The following PCDH9 variants were observed in gnomAD, a reference collection of about 807,000 sequenced individuals.
PCDH9 encodes the protein protocadherin 9, also known as protocadherin-9.
A neutral mutation model predicts 70.6 loss-of-function variants in PCDH9; 24 were observed. The observed-to-expected ratio is 0.34, with a 90% confidence interval of 0.25 to 0.48. The LOEUF (loss-of-function observed/expected upper bound fraction) is 0.48. PCDH9 is among the 20% of genes least tolerant of loss of function. The pLI is 0.99. For synonymous variants in PCDH9, 562 were observed against 558.5 expected, an observed-to-expected ratio of 1.01 and a Z score of -0.09; for missense variants, 1,281 against 1,503.6, an observed-to-expected ratio of 0.85 and a Z score of 2.45.
Position 66,368,996 on chromosome 13 carries a change from T to G in PCDH9, c.3341-63968A>C, listed in dbSNP as rs75461829. On this transcript the variant is annotated intron_variant, in intron 4 of 4. Transcript: ENST00000377865. ...AACACATGGGAATTCAAGATGAGAG[T>G]TGTGTGGAGATGCAGCCAAGCCATA... Among the ~76,000 whole-genome samples the G allele has an allele frequency of 9.3e-3, 1,415 of 152,056 alleles. 28 individuals are homozygous for G. The highest frequency in any genetic ancestry group is 0.032 in the African/African-American group (1,348 of 41,484).
intron 3 of PCDH9, among the ~76,000 whole-genome samples, chr13:66,789,007 T>A (rs1432544412): frequency 6.6e-6 from 1 of 152,132 alleles, no homozygotes; most frequent in Non-Finnish European, 1.5e-5. Context: ...AAAATCTGTC[T>A]GCTCTTCTTT....
intron 2 of PCDH9, among the ~76,000 whole-genome samples, chr13:67,111,461 G>A (rs2086657299): frequency 6.6e-6 from 1 of 152,150 alleles, no homozygotes. Flanking sequence ...CTATATACTA[G>A]TCTATGCTAG....
chr13:67,025,246 C>A (rs2084757207), intron 2 of PCDH9, among the ~76,000 whole-genome samples: 1 of 151,828 alleles, frequency 6.6e-6, no homozygotes, highest in Admixed American at 6.6e-5. Context: ...TTCTTTTGAC[C>A]CTTCTGTGAA....
chr13:67,146,947 C>A (rs527948112), intron 2 of PCDH9, among the ~76,000 whole-genome samples: 3 of 151,980 alleles, frequency 2.0e-5, no homozygotes. Flanking sequence ...ACTGTGATTC[C>A]GGCTTCCTTT....
intron 4 of PCDH9, among the ~76,000 whole-genome samples, chr13:66,394,298 C>A (rs1370331685): frequency 1.3e-5 from 2 of 152,110 alleles, no homozygotes; most frequent in Non-Finnish European, 2.9e-5. Flanking sequence ...ATATCAGCAT[C>A]TAGATTTCCT....
At chr13:66,456,137 C>T (rs1181248672) in intron 4 of PCDH9, among the ~76,000 whole-genome samples, 1 of 152,086 alleles carries the variant, frequency 6.6e-6, no homozygotes, top group African/African-American at 2.4e-5. Flanking sequence ...TGCTTTTTAT[C>T]TGATGGTTAT....
chr13:66,946,224 A>G (rs1026821892), intron 2 of PCDH9, among the ~76,000 whole-genome samples: 2 of 152,178 alleles, frequency 1.3e-5, no homozygotes, highest in African/African-American at 4.8e-5. Flanking sequence ...AATCCTACAA[A>G]AGGGAATATG....
chr13:66,539,050 G>A (rs888864316), intron 4 of PCDH9, among the ~76,000 whole-genome samples: 1 of 151,854 alleles, frequency 6.6e-6, no homozygotes, highest in Non-Finnish European at 1.5e-5. Context: ...GCAGAAAATA[G>A]AAGCAAAAAT....
intron 2 of PCDH9, among the ~76,000 whole-genome samples, chr13:66,933,892 CA>C (rs10570715): frequency 0.018 from 1,824 of 101,240 alleles, 6 homozygotes; most frequent in Non-Finnish European, 0.022. Context: ...ATAAGCTAGG[CA>C]AAAAAAAAAA....
At chr13:66,597,289 G>A (rs571128834) in intron 4 of PCDH9, among the ~76,000 whole-genome samples, 1 of 151,592 alleles carries the variant, frequency 6.6e-6, no homozygotes, top group East Asian at 1.9e-4. Context: ...GTACCACAAA[G>A]GACCTTCAAA....
rs188327139 is a variant in PCDH9 at position 66,912,956 on chromosome 13, C to G, written c.3037-9351G>C. 2.4e-3 allele frequency among the ~76,000 whole-genome samples: 366 copies of G among 152,158 alleles called. 6 individuals are homozygous for G. The highest frequency in any genetic ancestry group is 8.3e-3 in the African/African-American group (343 of 41,544). On this transcript the variant is annotated intron_variant, in intron 2 of 4. Transcript: ENST00000377865. ...TGTATTATGAAAACTGTTTGCCCAA[C>G]ATAAACCTTCAACGTAATGTTAGCC...
Position 66,366,250 on chromosome 13 carries a change from T to G in PCDH9, c.3341-61222A>C, listed in dbSNP as rs142086689. 1.4e-3 allele frequency among the ~76,000 whole-genome samples: 206 copies of G among 152,192 alleles called. 1 individual carries two copies. The Middle Eastern group carries it at 0.031, about 23-fold the overall frequency. The stretch of plus-strand genomic sequence containing the variant: ...CACCCCAAATGCTATTATTCTCATC[T>G]TATTATTGAACTTTGCAGAATTAAA... On this transcript the variant is annotated intron_variant, in intron 4 of 4. Transcript: ENST00000377865.
At chr13:67,068,279 A>T (rs1210851960) in intron 2 of PCDH9, among the ~76,000 whole-genome samples, 1 of 151,564 alleles carries the variant, frequency 6.6e-6, no homozygotes, top group Non-Finnish European at 1.5e-5. Flanking sequence ...ATTTATTAAA[A>T]GTTTATTTTA....
intron 3 of PCDH9, among the ~76,000 whole-genome samples, chr13:66,759,342 T>C (rs897654208): frequency 1.3e-5 from 2 of 152,102 alleles, no homozygotes; most frequent in African/African-American, 4.8e-5. Context: ...TTGGAATATC[T>C]TTTTCCATCC....
At chr13:67,170,009 C>CT (rs2088235224) in intron 2 of PCDH9, among the ~76,000 whole-genome samples, 1 of 152,104 alleles carries the variant, frequency 6.6e-6, no homozygotes, top group African/African-American at 2.4e-5. Context: ...TCTCCTCCTC[C>CT]TTTTTTTATA....
intron 3 of PCDH9, among the ~76,000 whole-genome samples, chr13:66,712,492 A>G (rs1028961774): frequency 6.6e-6 from 1 of 152,158 alleles, no homozygotes; most frequent in Non-Finnish European, 1.5e-5. Flanking sequence ...AACAATTCTT[A>G]TAATAGGCAT....
At chr13:66,802,058 G>A (rs951967269) in intron 3 of PCDH9, among the ~76,000 whole-genome samples, 3 of 151,620 alleles carry the variant, frequency 2.0e-5, no homozygotes, top group East Asian at 1.9e-4. Context: ...AGTGTGGGAG[G>A]AAATATAACT....
chr13:66,380,840 C>T (rs1469675955), intron 4 of PCDH9, among the ~76,000 whole-genome samples: 1 of 152,082 alleles, frequency 6.6e-6, no homozygotes, highest in Non-Finnish European at 1.5e-5. Context: ...ACCGCGCCAG[C>T]CAGATCTTGG....
intron 3 of PCDH9, among the ~76,000 whole-genome samples, chr13:66,877,538 G>C (rs967809906): frequency 1.3e-5 from 2 of 152,052 alleles, no homozygotes; most frequent in South Asian, 4.1e-4. Context: ...CAGTTAAACA[G>C]GCGTTTAGGG....
Sources: gnomAD v4.1 joint callset for allele counts (sites outside exome capture counted in the v4.1 genomes callset) on GRCh38, gnomAD v4.1.1 for gene constraint, MANE v1.5 for transcripts, NCBI Gene and HGNC (gene_info 2026-07-23, HGNC 2026-07-21) for gene names.